Variants in PCGF5 observed in about 807,000 individuals in gnomAD.
PCGF5 encodes the protein polycomb group ring finger 5.
Under a neutral mutation model 44.3 loss-of-function variants are expected in PCGF5, and 9 were observed. The observed-to-expected ratio is 0.20, with a 90% CI of 0.12 to 0.35. PCGF5 has a LOEUF of 0.35. Among genes scored for constraint, PCGF5 ranks in the 10% least tolerant of loss-of-function variants. The pLI, the probability that PCGF5 is intolerant of heterozygous loss-of-function variation, is 1.00. For missense variants in PCGF5, 146 were observed against 305.3 expected (o/e 0.48, Z 3.89); for synonymous variants, 95 against 102.5 (o/e 0.93, Z 0.44).
At chr10:91,227,297 C>T (rs1844869358) in intron 2 of PCGF5, 1 of 646,118 alleles carries the variant, frequency 1.5e-6, no homozygotes, top group Non-Finnish European at 2.5e-6. Context: ...GTGCTGAGGC[C>T]TCTCAAATCT....
the PCGF5 span, among the ~76,000 whole-genome samples, chr10:91,157,042 G>T: frequency 0.021 from 3,122 of 152,118 alleles, 109 homozygotes; most frequent in East Asian, 0.087. Context: ...AAACTTCTCT[G>T]GGCCTCAGTT....
chr10:91,193,135 T>C (rs1330513350), intron 1 of PCGF5, among the ~76,000 whole-genome samples: 1 of 152,148 alleles, frequency 6.6e-6, no homozygotes, highest in East Asian at 1.9e-4. Context: ...GGAAGGCATG[T>C]AGCCTTGAAG....
chr10:91,227,400 C>A (rs777360459), intron 2 of PCGF5: 8 of 1,288,772 alleles, frequency 6.2e-6, no homozygotes, highest in Non-Finnish European at 8.1e-6. Context: ...AGCATATCTA[C>A]GAATGATCAA....
chr10:91,226,405 C>T lies in PCGF5; in HGVS notation c.112+3422C>T, dbSNP rs143020849. Among the ~76,000 whole-genome samples, 874 of 151,340 alleles carry T rather than the reference C, an allele frequency of 5.8e-3. 6 individuals are homozygous for T. The highest frequency in any genetic ancestry group is 0.02 in the African/African-American group (823 of 41,290). On this transcript the variant is annotated intron_variant, in intron 2 of 9. Transcript: ENST00000336126. ...AGCAGAATGATATGCAGAAGAAACT[C>T]GTGTTTTGTGAAATTCCTGAAGCTA...
At chr10:91,175,466 A>C (rs988692912) in intron 1 of PCGF5, among the ~76,000 whole-genome samples, 8 of 152,150 alleles carry the variant, frequency 5.3e-5, no homozygotes, top group Non-Finnish European at 1.0e-4. Flanking sequence ...CAATGAAAAA[A>C]ATGACTTACC....
intron 7 of PCGF5, among the ~76,000 whole-genome samples, chr10:91,261,931 A>C (rs1178510428): frequency 6.6e-6 from 1 of 152,244 alleles, no homozygotes; most frequent in Non-Finnish European, 1.5e-5. Context: ...TTACCAGTTT[A>C]TTTACAGAAG....
intron 2 of PCGF5, among the ~76,000 whole-genome samples, chr10:91,239,990 A>G (rs994913382): frequency 3.3e-5 from 5 of 152,208 alleles, no homozygotes; most frequent in African/African-American, 1.2e-4. Context: ...TGCCAAGGCC[A>G]GCAAAGTCCA....
intron 1 of PCGF5, among the ~76,000 whole-genome samples, chr10:91,205,495 C>T (rs1844331475): frequency 2.0e-5 from 3 of 152,158 alleles, no homozygotes; most frequent in Admixed American, 2.0e-4. Flanking sequence ...TACATTTTTC[C>T]TGAAGAAACA....
intron 1 of PCGF5, among the ~76,000 whole-genome samples, chr10:91,185,091 C>T (rs944491360): frequency 2.6e-5 from 4 of 152,198 alleles, no homozygotes; most frequent in Non-Finnish European, 4.4e-5. Flanking sequence ...CTTGGGCTCT[C>T]CAAGCATGAA....
intron 1 of PCGF5, among the ~76,000 whole-genome samples, chr10:91,192,584 G>T (rs1844053047): frequency 6.6e-6 from 1 of 152,152 alleles, no homozygotes; most frequent in Non-Finnish European, 1.5e-5. Flanking sequence ...AATACCTATT[G>T]CTTACCAACC....
chr10:91,175,450 G>A (rs1407950959), intron 1 of PCGF5, among the ~76,000 whole-genome samples: 1 of 152,066 alleles, frequency 6.6e-6, no homozygotes, highest in Non-Finnish European at 1.5e-5. Flanking sequence ...GACATTTGAG[G>A]TCCGACAATG....
Position 91,271,649 on chromosome 10 carries a change from G to C in PCGF5, c.675G>C (p.Leu225=). ...WRLRGENFRC[L]NCSASQVCSQ... is the part of the protein sequence containing the mutation. ...CATCTCCTCCGCAGTTTCGGTGTCT[G>C]AACTGCTCAGCTTCGCAAGTCTGCT... Residue 225 remains leucine (L), a synonymous_variant, in exon 9 of 10, where the codon CTG becomes CTC. Transcript: ENST00000336126. 6.2e-7 allele frequency: 1 copy of C among 1,613,850 alleles called. No individual in the cohort carries two copies. Among genetic ancestry groups the C allele is most frequent in the Non-Finnish European group, 8.5e-7 (1 of 1,179,866 alleles).
intron 1 of PCGF5, among the ~76,000 whole-genome samples, chr10:91,189,215 T>C (rs1239767294): frequency 6.6e-6 from 1 of 152,216 alleles, no homozygotes; most frequent in Non-Finnish European, 1.5e-5. Flanking sequence ...ACAACCCTGA[T>C]TGATAATTTT....
chr10:91,206,843 C>T (rs1844355911), intron 1 of PCGF5, among the ~76,000 whole-genome samples: 1 of 152,204 alleles, frequency 6.6e-6, no homozygotes, highest in African/African-American at 2.4e-5. Context: ...TAGTCCCTTA[C>T]CTCATTCAGA....
intron 3 of PCGF5, among the ~76,000 whole-genome samples, chr10:91,248,023 C>G (rs1192048768): frequency 6.6e-6 from 1 of 152,068 alleles, no homozygotes; most frequent in Non-Finnish European, 1.5e-5. Context: ...TCTAAAATGG[C>G]CTTAGCAGGG....
chr10:91,168,608 C>CA (rs1299756064), intron 1 of PCGF5, among the ~76,000 whole-genome samples: 1 of 152,104 alleles, frequency 6.6e-6, no homozygotes, highest in East Asian at 1.9e-4. Flanking sequence ...TGACTTGAGG[C>CA]AAGAAAAGTG....
intron 1 of PCGF5, among the ~76,000 whole-genome samples, chr10:91,197,979 TG>T (rs1164922621): frequency 6.6e-6 from 1 of 152,144 alleles, no homozygotes. Flanking sequence ...TGCCAGACAT[TG>T]GGGAAGTGAA....
intron 1 of PCGF5, among the ~76,000 whole-genome samples, chr10:91,163,421 G>T (rs1204156017): frequency 2.0e-5 from 3 of 151,968 alleles, no homozygotes; most frequent in African/African-American, 7.2e-5. Flanking sequence ...CGGGAGCAGC[G>T]GCTCCCTGGC....
intron 8 of PCGF5, among the ~76,000 whole-genome samples, chr10:91,265,298 G>T (rs892922757): frequency 1.3e-5 from 2 of 152,020 alleles, no homozygotes; most frequent in African/African-American, 2.4e-5. Flanking sequence ...GGGATTGTAG[G>T]ACTCATATAT....
Sources: gnomAD v4.1 joint callset for allele counts (sites outside exome capture counted in the v4.1 genomes callset) on GRCh38, gnomAD v4.1.1 for gene constraint, MANE v1.5 for transcripts, NCBI Gene and HGNC (gene_info 2026-07-23, HGNC 2026-07-21) for gene names.